The following CRTC3 variants were observed in gnomAD, a reference collection of about 807,000 sequenced individuals.
CRTC3 encodes the protein CREB regulated transcription coactivator 3.
In CRTC3, 26 loss-of-function variants were observed where a neutral mutation model predicts 74.5. That is an observed-to-expected ratio of 0.35 (90% CI 0.26 to 0.48). CRTC3 has a LOEUF of 0.48. CRTC3 is among the 20% of genes least tolerant of loss of function. The probability of loss-of-function intolerance (pLI) is 0.99; values close to 1 mark genes in which losing one functional copy is unlikely to be tolerated. For missense variants in CRTC3, 760 were observed against 787.3 expected (o/e 0.97, Z 0.41); for synonymous variants, 377 against 325.8 (o/e 1.16, Z -1.69).
At chr15:90,616,361 C>T (rs1968495685) in intron 7 of CRTC3, among the ~76,000 whole-genome samples, 2 of 152,282 alleles carry the variant, frequency 1.3e-5, no homozygotes, top group Non-Finnish European at 2.9e-5. Flanking sequence ...TTCTAGAAGT[C>T]CACAACTGCA....
intron 7 of CRTC3, among the ~76,000 whole-genome samples, chr15:90,617,652 C>A (rs4932357): frequency 0.69 from 105,095 of 151,800 alleles, 36,609 homozygotes; most frequent in South Asian, 0.78. Flanking sequence ...ACCTCAGCCT[C>A]CCAAGTAGTT....
At chr15:90,537,525 A>G (rs2151054780) in intron 1 of CRTC3, among the ~76,000 whole-genome samples, 1 of 152,254 alleles carries the variant, frequency 6.6e-6, no homozygotes, top group South Asian at 2.1e-4. Flanking sequence ...TTGGGACTGC[A>G]GGCGCCCACC....
rs554757838 is a variant in CRTC3, at chr15:90,609,166, A to G, written c.577+1688A>G. Among the ~76,000 whole-genome samples the G allele has an allele frequency of 2.4e-3, 372 of 152,358 alleles. 2 individuals are homozygous for G. Among genetic ancestry groups the G allele is most frequent in the Non-Finnish European group, 2.4e-3 (163 of 68,038 alleles). ...CTATTGGTGCAATTCAGAGAAGACT[A>G]CATTTGCTTAAATGATTGTTTGCTT... is the stretch of plus-strand genomic sequence containing the variant. On this transcript the variant is annotated intron_variant, in intron 6 of 14. Coordinates refer to ENST00000268184, the MANE Select transcript of CRTC3 (RefSeq NM_022769.5).
rs139785135 is a variant in CRTC3, at chr15:90,581,901, C to A, written c.232-11735C>A. On this transcript the variant is annotated intron_variant, in intron 2 of 14. Transcript: ENST00000268184. ...AGGTGCCTGTCTTTTACATATATTT[C>A]CTACGGCAGGAAGAGGTTGGTGTGG... Among the ~76,000 whole-genome samples, 188 of 152,284 alleles carry A rather than the reference C, an allele frequency of 1.2e-3. 1 individual carries two copies. The highest frequency in any genetic ancestry group is 4.5e-3 in the African/African-American group (186 of 41,550).
intron 8 of CRTC3, among the ~76,000 whole-genome samples, chr15:90,618,485 C>G (rs1968553735): frequency 6.6e-6 from 1 of 152,206 alleles, no homozygotes; most frequent in African/African-American, 2.4e-5. Flanking sequence ...TGCTAGCTGA[C>G]CTCCACCTCG....
chr15:90,542,650 T>C (rs937242921), intron 2 of CRTC3, among the ~76,000 whole-genome samples: 1 of 152,244 alleles, frequency 6.6e-6, no homozygotes, highest in African/African-American at 2.4e-5. Context: ...ATCTTCAGAC[T>C]GCATTCACCA....
rs201280022 is a variant in CRTC3, at chr15:90,641,158, C to G, written c.1610C>G (p.Pro537Arg). The G allele has an allele frequency of 6.2e-7, 1 of 1,614,072 alleles. No homozygotes were observed. Among genetic ancestry groups the G allele is most frequent in the Admixed American group, 1.7e-5 (1 of 60,022 alleles). Residue 537 changes from proline to arginine, a missense_variant, in exon 14 of 15, where the codon CCG becomes CGG. Around this residue, in one of 2 missense-constraint regions of CRTC3, gnomAD observed 652 missense variants for 635.2 expected, o/e 1.03. Coordinates refer to ENST00000268184, the MANE Select transcript of CRTC3 (RefSeq NM_022769.5). Reference sequence around the variant, plus strand: ...GACTCTTTTCATTTGAGACCAAGCCCGTATTCCAACTGCGGGAGTCTCCCG... The same window carrying G: ...GACTCTTTTCATTTGAGACCAAGCCGGTATTCCAACTGCGGGAGTCTCCCG... ...LQDSFHLRPS[P>R]YSNCGSLPNT...
intron 11 of CRTC3, among the ~76,000 whole-genome samples, chr15:90,631,075 C>T (rs376097242): frequency 7.6e-4 from 23 of 30,274 alleles, no homozygotes; most frequent in South Asian, 1.7e-3. Flanking sequence ...CCGCGCCCGG[C>T]CTATTACAGC....
intron 2 of CRTC3, among the ~76,000 whole-genome samples, chr15:90,564,869 A>G (rs963018259): frequency 2.0e-5 from 3 of 152,138 alleles, no homozygotes; most frequent in Non-Finnish European, 4.4e-5. Flanking sequence ...GCCTGTCTCT[A>G]CCCATTACAA....
chr15:90,582,453 A>T (rs899267855), intron 2 of CRTC3, among the ~76,000 whole-genome samples: 3 of 152,252 alleles, frequency 2.0e-5, no homozygotes, highest in Non-Finnish European at 2.9e-5. Context: ...GTAGCTGTAC[A>T]GAAAAGTAGG....
At chr15:90,631,213 T>C (rs115659257) in intron 11 of CRTC3, among the ~76,000 whole-genome samples, 1,758 of 152,276 alleles carry the variant, frequency 0.012, 39 homozygotes, top group African/African-American at 0.04. Flanking sequence ...GGCGTGTTGA[T>C]CGTATGAGTG....
rs116709442 is a variant in CRTC3 at position 90,558,545 on chromosome 15, C to G, written c.231+18408C>G. On this transcript the variant is annotated intron_variant, in intron 2 of 14. Transcript: ENST00000268184. Reference sequence around the variant, plus strand: ...TGGCCTTTTTCTCTGTTCCTTGAACCTTGCTTAGGATTTCTCTACCAGGAA... The same window carrying G: ...TGGCCTTTTTCTCTGTTCCTTGAACGTTGCTTAGGATTTCTCTACCAGGAA... 5.5e-3 allele frequency among the ~76,000 whole-genome samples: 839 copies of G among 152,188 alleles called. 5 individuals are homozygous for G. The highest frequency in any genetic ancestry group is 0.02 in the African/African-American group (812 of 41,516).
At chr15:90,612,062 C>T (rs1235367331) in intron 6 of CRTC3, among the ~76,000 whole-genome samples, 11 of 144,748 alleles carry the variant, frequency 7.6e-5, no homozygotes, top group African/African-American at 2.3e-4. Context: ...TCCTCCGCCT[C>T]CACCTCCTCC....
chr15:90,576,157 T>G (rs989817095), intron 2 of CRTC3, among the ~76,000 whole-genome samples: 2 of 152,098 alleles, frequency 1.3e-5, no homozygotes, highest in African/African-American at 4.8e-5. Flanking sequence ...TAGTCCCAGC[T>G]ACTCAGGAGG....
At chr15:90,623,219 G>A (rs374633117) in intron 9 of CRTC3, among the ~76,000 whole-genome samples, 6 of 152,138 alleles carry the variant, frequency 3.9e-5, no homozygotes, top group African/African-American at 1.4e-4. Flanking sequence ...CATGCTTTCT[G>A]AAAGCATATT....
At chr15:90,533,301 G>T (rs1260962254) in intron 1 of CRTC3, among the ~76,000 whole-genome samples, 2 of 151,396 alleles carry the variant, frequency 1.3e-5, no homozygotes, top group African/African-American at 2.4e-5. Context: ...CTACTCGGGA[G>T]GCTGCGGCAG....
At chr15:90,543,559 T>C (rs1966837838) in intron 2 of CRTC3, among the ~76,000 whole-genome samples, 1 of 152,230 alleles carries the variant, frequency 6.6e-6, no homozygotes, top group East Asian at 1.9e-4. Context: ...AATAAAAGTA[T>C]GCTCTACAGA....
intron 6 of CRTC3, among the ~76,000 whole-genome samples, chr15:90,611,349 G>A (rs1968352380): frequency 6.6e-6 from 1 of 152,152 alleles, no homozygotes; most frequent in Non-Finnish European, 1.5e-5. Context: ...GGCCCTCGGT[G>A]GCTCTGAGGT....
At chr15:90,573,838 C>T (rs774730696) in intron 2 of CRTC3, among the ~76,000 whole-genome samples, 5 of 152,180 alleles carry the variant, frequency 3.3e-5, no homozygotes, top group Non-Finnish European at 7.3e-5. Context: ...GTCCTAGCCA[C>T]CCAGTTCACT....
Sources: gnomAD v4.1 joint callset for allele counts (sites outside exome capture counted in the v4.1 genomes callset) on GRCh38, gnomAD v4.1.1 for gene constraint, gnomAD v4.1.1 regional missense constraint, MANE v1.5 for transcripts, NCBI Gene and HGNC (gene_info 2026-07-23, HGNC 2026-07-21) for gene names.